Variants in RYR2 observed in about 807,000 individuals in gnomAD.
The protein encoded by RYR2 is cardiac muscle ryanodine receptor-calcium release channel.
RYR2 carries 227 observed loss-of-function variants against 601.1 expected under a neutral mutation model. The observed-to-expected ratio is 0.38, with a 90% CI of 0.34 to 0.42. The LOEUF (loss-of-function observed/expected upper bound fraction) is 0.42. Ranked by LOEUF, RYR2 falls within the 10% of genes least tolerant of loss-of-function variation. The pLI is 1.00. For missense variants in RYR2, 4,646 were observed against 6,156.5 expected, an observed-to-expected ratio of 0.75 and a Z score of 8.21; for synonymous variants, 2,223 against 2,175.1, an observed-to-expected ratio of 1.02 and a Z score of -0.61.
chr1:237,632,490 G>T (rs914425153), intron 42 of RYR2, among the ~76,000 whole-genome samples: 24 of 151,086 alleles, frequency 1.6e-4, no homozygotes, highest in Non-Finnish European at 1.0e-4. Flanking sequence ...CGCCTCCCAG[G>T]TTCACTACAT....
chr1:237,416,761 C>CAGAG lies in RYR2; in HGVS notation c.774-287_774-286insGAGA, dbSNP rs572524939. ...AGGGATGGGAAGAAACACACACACA[C>CAGAG]ACAGAGAGAGAGAGAGAGAGAGAAT... On this transcript the variant is annotated intron_variant, in intron 10 of 104. Coordinates refer to ENST00000366574, the MANE Select transcript of RYR2 (RefSeq NM_001035.3). 0.04 allele frequency among the ~76,000 whole-genome samples: 5,932 copies of CAGAG among 147,124 alleles called. 178 individuals carry two copies. The highest frequency in any genetic ancestry group is 0.066 in the Non-Finnish European group (4,431 of 67,052).
At chr1:237,443,698 TATTA>T (rs1558827034) in intron 13 of RYR2, among the ~76,000 whole-genome samples, 1 of 152,216 alleles carries the variant, frequency 6.6e-6, no homozygotes, top group Non-Finnish European at 1.5e-5. Context: ...TCTTTGTGTT[TATTA>T]ATTTTTATGT....
intron 68 of RYR2, among the ~76,000 whole-genome samples, 178 bp from the exon 69 acceptor site, chr1:237,708,680 A>G (rs193301505): frequency 6.6e-5 from 10 of 152,286 alleles, no homozygotes; most frequent in East Asian, 3.9e-4. Flanking sequence ...CATTTTTTTA[A>G]TGGCAGCTAT....
chr1:237,468,816 A>G (rs1660365762), intron 16 of RYR2, among the ~76,000 whole-genome samples: 1 of 152,194 alleles, frequency 6.6e-6, no homozygotes, highest in South Asian at 2.1e-4. Flanking sequence ...CTGTTTTTCC[A>G]TTACCCTTTA....
chr1:237,412,101 A>G lies in RYR2; in HGVS notation c.774-4948A>G, dbSNP rs190918193. Among the ~76,000 whole-genome samples the G allele has an allele frequency of 3.3e-5, 5 of 152,276 alleles. No individual in the cohort carries two copies. The East Asian group carries it at 9.6e-4, about 29-fold the overall frequency. On this transcript the variant is annotated intron_variant, in intron 10 of 104. Transcript: ENST00000366574. ...CTTTTCTGGGCCTTAGATTCTAAAG[A>G]TGAGCTATCCTAGCTGTCAAAGTGC...
chr1:237,218,776 AG>A (rs1683460640), intron 1 of RYR2, among the ~76,000 whole-genome samples: 2 of 152,042 alleles, frequency 1.3e-5, no homozygotes, highest in South Asian at 4.1e-4. Context: ...CATACAGTCA[AG>A]GTCCAGTTGA....
rs563114931 is a variant in RYR2 at position 237,821,631 on chromosome 1, C to G, written c.14590+2439C>G. On this transcript the variant is annotated intron_variant, in intron 101 of 104. Coordinates refer to ENST00000366574, the MANE Select transcript of RYR2 (RefSeq NM_001035.3). ...ACACCTCCTCTCCTCCAAAGTATCA[C>G]AACTCCTCGCCAGCAAGGGAACAAA... Among the ~76,000 whole-genome samples, 4 of 152,162 alleles carry G rather than the reference C, an allele frequency of 2.6e-5. No homozygotes were observed. The South Asian group carries it at 8.3e-4, about 32-fold the overall frequency.
intron 2 of RYR2, among the ~76,000 whole-genome samples, chr1:237,295,980 A>T (rs1692740195): frequency 6.6e-6 from 1 of 152,212 alleles, no homozygotes; most frequent in Non-Finnish European, 1.5e-5. Flanking sequence ...TGTCATGGAG[A>T]TAATTAAAAT....
At chr1:237,323,712 C>T (rs780482602) in intron 2 of RYR2, among the ~76,000 whole-genome samples, 14 of 152,104 alleles carry the variant, frequency 9.2e-5, no homozygotes, top group Non-Finnish European at 8.8e-5. Flanking sequence ...TCTTTGTAGC[C>T]GCAATGTACT....
At chr1:237,801,819 G>C in intron 97 of RYR2, 37 bp from the exon 98 acceptor site, 1 of 1,385,824 alleles carries the variant, frequency 7.2e-7, no homozygotes, top group Non-Finnish European at 1.0e-6. Context: ...TTTGGTTAAT[G>C]TGCATAACTA....
rs981465415 is a variant in RYR2 at position 237,237,103 on chromosome 1, C to T, written c.49-33394C>T. 8.5e-5 allele frequency among the ~76,000 whole-genome samples: 13 copies of T among 152,304 alleles called. No individual in the cohort carries two copies. The East Asian group carries it at 2.5e-3, about 29-fold the overall frequency. Reference sequence around the variant, plus strand: ...CTCTCTCCTGCCGCCATGTAAGACACACCTGCTTCCCCTTCCACCATGATT... The same window carrying T: ...CTCTCTCCTGCCGCCATGTAAGACATACCTGCTTCCCCTTCCACCATGATT... On this transcript the variant is annotated intron_variant, in intron 1 of 104. Transcript: ENST00000366574.
At chr1:237,702,491 C>T (rs1382989054) in intron 66 of RYR2, among the ~76,000 whole-genome samples, 1 of 151,806 alleles carries the variant, frequency 6.6e-6, no homozygotes. Context: ...AAAAGGTATC[C>T]CCAGTAAATT....
At chr1:237,120,547 G>A (rs544316162) in intron 1 of RYR2, among the ~76,000 whole-genome samples, 2 of 152,294 alleles carry the variant, frequency 1.3e-5, no homozygotes, top group East Asian at 3.9e-4. Flanking sequence ...GTATGATCTT[G>A]GTTTCCGTCC....
intron 23 of RYR2, 108 bp from the exon 24 acceptor site, chr1:237,511,580 G>C: frequency 1.2e-6 from 1 of 802,984 alleles, no homozygotes; most frequent in Non-Finnish European, 2.1e-6. Flanking sequence ...GTAATGATCT[G>C]GGTGTTTCTT....
At chr1:237,186,259 G>A (rs1025943061) in intron 1 of RYR2, among the ~76,000 whole-genome samples, 1 of 152,122 alleles carries the variant, frequency 6.6e-6, no homozygotes, top group African/African-American at 2.4e-5. Context: ...AAAGCTCCCT[G>A]TTAGTACAGA....
chr1:237,347,991 C>T (rs1003266920), intron 3 of RYR2, among the ~76,000 whole-genome samples: 1 of 152,066 alleles, frequency 6.6e-6, no homozygotes, highest in African/African-American at 2.4e-5. Flanking sequence ...GCTGAGTATT[C>T]ATTTGGGCAG....
At chr1:237,050,596 A>G (rs559610526) in intron 1 of RYR2, among the ~76,000 whole-genome samples, 11 of 152,252 alleles carry the variant, frequency 7.2e-5, no homozygotes, top group Admixed American at 1.3e-4. Flanking sequence ...TGAAGTTTTA[A>G]TTGTTTCTCT....
In RYR2 at chr1:237,610,864, T is replaced by C; in HGVS notation, c.4786T>C (p.Trp1596Arg). The C allele has an allele frequency of 6.2e-7, 1 of 1,613,390 alleles. No individual in the cohort carries two copies. The highest frequency in any genetic ancestry group is 8.5e-7 in the Non-Finnish European group (1 of 1,179,680). The change falls in exon 36 of 105, where the codon TGG becomes CGG. Residue 1596 changes from tryptophan to arginine, a missense_variant. Physicochemically the swap from Trp to Arg is moderately radical, Grantham distance 101 (BLOSUM62 -3). Coordinates refer to ENST00000366574, the MANE Select transcript of RYR2 (RefSeq NM_001035.3). The surrounding 1 kb of genome is among the most constrained non-coding windows in gnomAD (Gnocchi z 4.9). ...CGTGCAGTTCCTGTCACACGTCCTG[T>C]GGAGCAGAATGCCCAACCAGTTTTT... is the stretch of plus-strand genomic sequence containing the variant. ...LHVQFLSHVLWSRMPNQFLKV... is the reference protein window; with the variant it reads ...LHVQFLSHVLRSRMPNQFLKV...
chr1:237,397,830 T>A (rs1484992453), intron 10 of RYR2, among the ~76,000 whole-genome samples: 1 of 151,844 alleles, frequency 6.6e-6, no homozygotes, highest in Admixed American at 6.6e-5. Context: ...CACGCCATTC[T>A]CCTGCCTCAG....
Sources: allele counts gnomAD v4.1 joint callset (sites outside exome capture counted in the v4.1 genomes callset), GRCh38; gene constraint gnomAD v4.1.1; non-coding constraint Gnocchi (gnomAD v3.1); transcripts MANE v1.5; gene names NCBI Gene and HGNC (gene_info 2026-07-23, HGNC 2026-07-21).